FERMT2: variants seen among roughly 807,000 people sequenced by gnomAD.
FERMT2 encodes fermitin family homolog 2.
FERMT2 carries 15 observed loss-of-function variants against 82.7 expected under a neutral mutation model. The ratio of observed to expected loss-of-function variants is 0.18; its 90% CI spans 0.12 to 0.28. The LOEUF is 0.28. Among genes scored for constraint, FERMT2 ranks in the 10% least tolerant of loss-of-function variants. FERMT2 has a pLI of 1.00. For missense variants in FERMT2, 645 were observed against 809.4 expected, an observed-to-expected ratio of 0.80 and a Z score of 2.46; for synonymous variants, 274 against 271.5, an observed-to-expected ratio of 1.01 and a Z score of -0.09.
chr14:52,916,895 C>A (rs1888646218), intron 3 of FERMT2, among the ~76,000 whole-genome samples: 1 of 151,894 alleles, frequency 6.6e-6, no homozygotes, highest in East Asian at 1.9e-4. Flanking sequence ...ATGATATAAA[C>A]AATTAAAAAA....
intron 3 of FERMT2, among the ~76,000 whole-genome samples, chr14:52,896,200 T>G (rs1594960797): frequency 6.6e-6 from 1 of 152,232 alleles, no homozygotes; most frequent in Non-Finnish European, 1.5e-5. Context: ...AATATTGTTA[T>G]GCAGCACGTG....
At chr14:52,899,173 A>T (rs990220528) in intron 3 of FERMT2, among the ~76,000 whole-genome samples, 1 of 152,158 alleles carries the variant, frequency 6.6e-6, no homozygotes, top group African/African-American at 2.4e-5. Context: ...AATCAATAAT[A>T]ATAATATTAA....
intron 2 of FERMT2, chr14:52,928,527 T>G (rs370391365): frequency 3.9e-5 from 6 of 152,418 alleles, no homozygotes; most frequent in African/African-American, 1.4e-4. Context: ...GTCTTTCTCC[T>G]GCTTTTCAGG....
At chr14:52,881,688 G>T (rs1886307250) in intron 4 of FERMT2, 1 of 1,045,650 alleles carries the variant, frequency 9.6e-7, no homozygotes, top group South Asian at 1.6e-5. Context: ...TAATTAAGTT[G>T]GCAGAAATTC....
chr14:52,924,274 G>A (rs377648932), intron 2 of FERMT2, among the ~76,000 whole-genome samples: 6 of 152,274 alleles, frequency 3.9e-5, no homozygotes, highest in African/African-American at 1.4e-4. Flanking sequence ...ACAGTGCATG[G>A]TTTAGGTGTT....
chr14:52,940,985 T>C lies in FERMT2; in HGVS notation c.157+9427A>G, dbSNP rs947625824. ...ACCACCCAGCAATCCCACACCTAGGTAGTTACCCCAGAAAAATGAAAATAT... is the reference window on the plus strand; with the variant it reads ...ACCACCCAGCAATCCCACACCTAGGCAGTTACCCCAGAAAAATGAAAATAT... On this transcript the variant is annotated intron_variant, in intron 2 of 14. Transcript: ENST00000341590. Among the ~76,000 whole-genome samples, 8 of 152,250 alleles carry C rather than the reference T, an allele frequency of 5.3e-5. No homozygotes were observed. In the South Asian group the frequency reaches 8.3e-4, roughly 16 times the overall value.
intron 12 of FERMT2, chr14:52,862,761 CA>C (rs1302953884): frequency 6.6e-6 from 1 of 152,198 alleles, no homozygotes; most frequent in Non-Finnish European, 1.5e-5. Flanking sequence ...TAGATGGCAA[CA>C]TGAAAGGCAA....
Position 52,858,355 on chromosome 14 carries a change from T to G in FERMT2, c.*22A>C. 1 of 1,593,604 alleles carries G rather than the reference T, an allele frequency of 6.3e-7. No homozygotes were observed. The highest frequency in any genetic ancestry group is 8.6e-7 in the Non-Finnish European group (1 of 1,162,024). ...GTTAAATATTGTTATGGCCGTGGAG[T>G]TTCATTAAACAGTATTCCTATTCAC... On this transcript the variant is annotated 3_prime_UTR_variant, in exon 15 of 15. Transcript: ENST00000341590.
intron 7 of FERMT2, among the ~76,000 whole-genome samples, chr14:52,878,034 A>C (rs1253840724): frequency 6.6e-6 from 1 of 152,160 alleles, no homozygotes; most frequent in African/African-American, 2.4e-5. Flanking sequence ...GTATGTAAGA[A>C]CCACATATGA....
At chr14:52,913,649 A>G (rs1212107781) in intron 3 of FERMT2, among the ~76,000 whole-genome samples, 1 of 145,402 alleles carries the variant, frequency 6.9e-6, no homozygotes, top group Non-Finnish European at 1.5e-5. Flanking sequence ...CCAAACACAG[A>G]GCCAGAAGTT....
intron 2 of FERMT2, among the ~76,000 whole-genome samples, chr14:52,948,828 A>G (rs1890481011): frequency 6.6e-6 from 1 of 152,252 alleles, no homozygotes; most frequent in Admixed American, 6.5e-5. Context: ...AATATAAAAA[A>G]TATCTCCTAT....
chr14:52,929,062 G>A (rs1889443199), intron 2 of FERMT2, among the ~76,000 whole-genome samples: 1 of 151,982 alleles, frequency 6.6e-6, no homozygotes, highest in South Asian at 2.1e-4. Flanking sequence ...ACACCCTACT[G>A]CCTATCTCAC....
intron 2 of FERMT2, among the ~76,000 whole-genome samples, chr14:52,930,352 CAT>C (rs1239661928): frequency 1.3e-5 from 2 of 152,202 alleles, no homozygotes; most frequent in African/African-American, 4.8e-5. Flanking sequence ...AAAAACACTA[CAT>C]AGTTAGGTTC....
chr14:52,894,302 G>A (rs1435213785), intron 3 of FERMT2, among the ~76,000 whole-genome samples: 2 of 152,182 alleles, frequency 1.3e-5, no homozygotes, highest in South Asian at 2.1e-4. Flanking sequence ...TATTGCACAC[G>A]ATGTTCACAA....
At chr14:52,928,788 A>G (rs1488464177) in intron 2 of FERMT2, among the ~76,000 whole-genome samples, 1 of 152,092 alleles carries the variant, frequency 6.6e-6, no homozygotes, top group Non-Finnish European at 1.5e-5. Flanking sequence ...TTTCACCTTC[A>G]CGCCAACCCA....
intron 11 of FERMT2, 25 bp downstream of exon 11, chr14:52,864,722 G>A: frequency 1.3e-6 from 2 of 1,584,622 alleles, no homozygotes; most frequent in Non-Finnish European, 8.7e-7. Context: ...GAAAATTGAA[G>A]TGTATTTTTA....
chr14:52,919,932 C>A (rs2139641740), intron 2 of FERMT2, among the ~76,000 whole-genome samples: 1 of 152,272 alleles, frequency 6.6e-6, no homozygotes, highest in African/African-American at 2.4e-5. Context: ...TAAAAAACTA[C>A]ATTCTGGCCA....
intron 3 of FERMT2, among the ~76,000 whole-genome samples, chr14:52,906,108 G>A (rs558972935): frequency 3.3e-5 from 5 of 152,312 alleles, no homozygotes; most frequent in Middle Eastern, 3.4e-3. Context: ...GGGGAGGGGC[G>A]CATGGGGCCT....
intron 2 of FERMT2, among the ~76,000 whole-genome samples, chr14:52,939,638 A>C (rs369336624): frequency 3.9e-5 from 6 of 152,340 alleles, no homozygotes; most frequent in African/African-American, 1.4e-4. Flanking sequence ...AGGCACAGAC[A>C]GGTCACACAG....
Sources: gnomAD v4.1 joint callset for allele counts (sites outside exome capture counted in the v4.1 genomes callset) on GRCh38, gnomAD v4.1.1 for gene constraint, MANE v1.5 for transcripts, NCBI Gene and HGNC (gene_info 2026-07-23, HGNC 2026-07-21) for gene names.